The following DYSF variants were observed in gnomAD, a reference collection of about 807,000 sequenced individuals.
The protein encoded by DYSF is dystrophy-associated fer-1-like 1.
A neutral mutation model predicts 274.9 loss-of-function variants in DYSF; 212 were observed. That is an observed-to-expected ratio of 0.77 (90% CI 0.69 to 0.86). The LOEUF (loss-of-function observed/expected upper bound fraction) is 0.86. DYSF is among the 40% of genes least tolerant of loss of function. The pLI is 0.00. For missense variants in DYSF, 2,666 were observed against 2,783.2 expected (o/e 0.96, Z 0.95); for synonymous variants, 1,091 against 1,078.7 (o/e 1.01, Z -0.22).
At chr2:71,653,081 G>A (rs1736168) in intron 42 of DYSF, among the ~76,000 whole-genome samples, 91,087 of 151,976 alleles carry the variant, frequency 0.6, 28,602 homozygotes, top group Non-Finnish European at 0.7. Flanking sequence ...TTCTGGTATG[G>A]CTAAAATGCA....
chr2:71,571,992 A>G (rs555254383), intron 29 of DYSF, among the ~76,000 whole-genome samples: 3 of 147,230 alleles, frequency 2.0e-5, no homozygotes, highest in African/African-American at 7.6e-5. Flanking sequence ...CACATCCAGC[A>G]CACCCAGCAC....
At chr2:71,540,737 T>C (rs1041792056) in intron 17 of DYSF, among the ~76,000 whole-genome samples, 132 of 151,772 alleles carry the variant, frequency 8.7e-4, no homozygotes, top group African/African-American at 2.8e-3. Flanking sequence ...ATGTTCTCAG[T>C]CCATATGAGG....
chr2:71,502,235 C>G (rs1264357074), intron 3 of DYSF, among the ~76,000 whole-genome samples: 2 of 151,976 alleles, frequency 1.3e-5, no homozygotes, highest in Non-Finnish European at 2.9e-5. Flanking sequence ...TCATAAAAAT[C>G]TATATTCCAA....
chr2:71,527,363 G>A (rs752624688), intron 13 of DYSF, among the ~76,000 whole-genome samples: 12 of 152,146 alleles, frequency 7.9e-5, no homozygotes, highest in Non-Finnish European at 8.8e-5. Flanking sequence ...GGCTGCTGAC[G>A]TCAAGAAATG....
intron 17 of DYSF, among the ~76,000 whole-genome samples, chr2:71,546,299 T>G (rs1479663360): frequency 6.6e-6 from 1 of 152,272 alleles, no homozygotes; most frequent in Admixed American, 6.5e-5. Context: ...ACAACACTTC[T>G]ATTTCCTCAC....
At chr2:71,503,439 C>A in intron 4 of DYSF, 120 bp downstream of exon 4, 1 of 998,232 alleles carries the variant, frequency 1.0e-6, no homozygotes, top group Non-Finnish European at 1.5e-6. Context: ...TGAAGCAGGC[C>A]TGGCCCTCCC....
At chr2:71,537,889 G>C (rs954278672) in intron 16 of DYSF, among the ~76,000 whole-genome samples, 5 of 152,180 alleles carry the variant, frequency 3.3e-5, no homozygotes, top group Admixed American at 2.6e-4. Context: ...TACCCAGGAG[G>C]AACTTCCTGA....
chr2:71,521,958 C>T lies in DYSF; in HGVS notation c.1149+1054C>T, dbSNP rs148327512. ...ATGAGTGGTGAGAGCTCTGGGAGCT[C>T]CTGTGGTCCTCAACTTGCCCCCCAT... On this transcript the variant is annotated intron_variant, in intron 12 of 55. Transcript: ENST00000410020. Among the ~76,000 whole-genome samples the T allele has an allele frequency of 5.2e-3, 790 of 152,128 alleles. 6 individuals are homozygous for T. Among genetic ancestry groups the T allele is most frequent in the South Asian group, 1.0e-2 (48 of 4,820 alleles).
At chr2:71,464,340 G>C (rs997628261), upstream of DYSF, among the ~76,000 whole-genome samples, 7 of 152,266 alleles carry the variant, frequency 4.6e-5, no homozygotes, top group Non-Finnish European at 7.3e-5. Flanking sequence ...CCTTGGAGCA[G>C]ACATTCTGAT....
chr2:71,664,860 T>A (rs191833374), intron 46 of DYSF, among the ~76,000 whole-genome samples: 1 of 152,324 alleles, frequency 6.6e-6, no homozygotes, highest in Admixed American at 6.5e-5. Flanking sequence ...GGAATGCATG[T>A]GAGGACTGCA....
chr2:71,514,199 T>A (rs1483826844), intron 7 of DYSF, among the ~76,000 whole-genome samples: 2 of 148,080 alleles, frequency 1.4e-5, no homozygotes, highest in African/African-American at 5.0e-5. Context: ...TGTCTTTGCA[T>A]CTCTGATCAG....
rs562427218 is a variant in DYSF, at chr2:71,487,261, G to A, written c.239+5291G>A. On this transcript the variant is annotated intron_variant, in intron 3 of 55. Coordinates refer to ENST00000410020, the MANE Select transcript of DYSF (RefSeq NM_001130987.2). ...GACTTAGATTTAATTAATTCCACGT[G>A]GCTAGTGGCTACTGTGTTGGACAGA... Among the ~76,000 whole-genome samples the A allele has an allele frequency of 2.0e-5, 3 of 152,280 alleles. No individual in the cohort carries two copies. In the East Asian group the frequency reaches 5.8e-4, roughly 29 times the overall value.
intron 22 of DYSF, 30 bp downstream of exon 22, chr2:71,556,101 A>G (rs1391941018): frequency 1.3e-6 from 2 of 1,523,998 alleles, no homozygotes; most frequent in East Asian, 2.4e-5. Flanking sequence ...CCTGGTGCCC[A>G]CCTCTCCTGG....
intron 42 of DYSF, among the ~76,000 whole-genome samples, chr2:71,650,603 C>T (rs2094639374): frequency 6.6e-6 from 1 of 152,184 alleles, no homozygotes; most frequent in Non-Finnish European, 1.5e-5. Context: ...GGCACTTTTA[C>T]TACAATTGAC....
intron 7 of DYSF, among the ~76,000 whole-genome samples, chr2:71,514,294 G>C (rs557912041): frequency 1.3e-5 from 2 of 151,992 alleles, no homozygotes; most frequent in Non-Finnish European, 2.9e-5. Context: ...AGCACCTTCC[G>C]CATCACCTGT....
At chr2:71,464,352 G>C (rs916667853), upstream of DYSF, among the ~76,000 whole-genome samples, 1 of 152,234 alleles carries the variant, frequency 6.6e-6, no homozygotes, top group Non-Finnish European at 1.5e-5. Context: ...CATTCTGATG[G>C]GGAAGACAGA....
chr2:71,621,332 G>T (rs2094094307), intron 41 of DYSF, among the ~76,000 whole-genome samples: 2 of 152,018 alleles, frequency 1.3e-5, no homozygotes, highest in South Asian at 4.2e-4. Context: ...TGTACTGGGG[G>T]TCTCATGAGC....
At chr2:71,636,638 T>C (rs2094408211) in intron 41 of DYSF, among the ~76,000 whole-genome samples, 1 of 152,060 alleles carries the variant, frequency 6.6e-6, no homozygotes, top group South Asian at 2.1e-4. Flanking sequence ...GTGGGAGATG[T>C]CACATGGGCA....
At position 71,644,073 on chromosome 2, in the gene DYSF, C is replaced by T. The variant is rs1420815050; in HGVS notation, c.4626+10C>T. The T allele has an allele frequency of 6.9e-6, 11 of 1,603,254 alleles. No homozygotes were observed. Among genetic ancestry groups the T allele is most frequent in the Non-Finnish European group, 8.5e-6 (10 of 1,173,664 alleles). ...TTTTGACACCCTGAAGGTAAGGCCT[C>T]TCTTCAGTCTGACAGTCGGTGTGTG... On this transcript the variant is annotated intron_variant, in intron 42 of 55. Transcript: ENST00000410020.
Sources: allele counts gnomAD v4.1 joint callset (sites outside exome capture counted in the v4.1 genomes callset), GRCh38; gene constraint gnomAD v4.1.1; transcripts MANE v1.5; gene names NCBI Gene and HGNC (gene_info 2026-07-23, HGNC 2026-07-21).